Variants in CLPP observed in about 807,000 individuals in gnomAD.
CLPP encodes ATP-dependent Clp protease proteolytic subunit, mitochondrial.
CLPP carries 14 observed loss-of-function variants against 27.4 expected under a neutral mutation model. The observed-to-expected ratio is 0.51, with a 90% confidence interval of 0.34 to 0.80. CLPP has a LOEUF of 0.80. Among genes scored for constraint, CLPP ranks in the 30% least tolerant of loss-of-function variants. The probability of loss-of-function intolerance (pLI) is 0.02; values close to 1 mark genes in which losing one functional copy is unlikely to be tolerated. For synonymous variants in CLPP, 193 were observed against 166.6 expected (o/e 1.16, Z -1.22); for missense variants, 361 against 403.6 (o/e 0.89, Z 0.90).
intron 2 of CLPP, chr19:6,362,167 A>T: frequency 1.7e-6 from 1 of 592,118 alleles, no homozygotes; most frequent in Non-Finnish European, 3.0e-6. Flanking sequence ...GACACCTGGC[A>T]CCGCTCCCCT....
rs1358290218 is a variant in CLPP at position 6,369,629 on chromosome 19, A to T, written c.*919A>T. ...GACTGTACCTGGCATGTGAGGACCT[A>T]TGAGGAGGCCCGTGGCTGAGGGAAG... On this transcript the variant is annotated 3_prime_UTR_variant, in exon 6 of 6. Coordinates refer to ENST00000245816, the MANE Select transcript of CLPP (RefSeq NM_006012.4). Among the ~76,000 whole-genome samples, 1 of 152,074 alleles carries T rather than the reference A, an allele frequency of 6.6e-6. No individual in the cohort carries two copies. The highest frequency in any genetic ancestry group is 1.5e-5 in the Non-Finnish European group (1 of 68,006).
Position 6,366,278 on chromosome 19 carries a change from C to T in CLPP, c.576C>T (p.Ala192=). The T allele has an allele frequency of 3.1e-6, 5 of 1,612,108 alleles. No individual in the cohort carries two copies. The South Asian group carries it at 5.5e-5, about 18-fold the overall frequency. ...GGARGQATDI[A]IQAEEIMKLK... Reference sequence around the variant, plus strand: ...CTCAGGGCCAAGCCACAGACATTGCCATCCAGGCAGAGGAGATCATGAAGC... The same window carrying T: ...CTCAGGGCCAAGCCACAGACATTGCTATCCAGGCAGAGGAGATCATGAAGC... The change falls in exon 5 of 6, where the codon GCC becomes GCT. Residue 192 remains alanine, a synonymous_variant. Transcript: ENST00000245816.
chr19:6,367,519 G>C (rs1568323253), intron 5 of CLPP, among the ~76,000 whole-genome samples: 1 of 151,970 alleles, frequency 6.6e-6, no homozygotes, highest in Non-Finnish European at 1.5e-5. Flanking sequence ...GCTGTTAGAG[G>C]AGTGGTTGCT....
intron 3 of CLPP, among the ~76,000 whole-genome samples, 156 bp downstream of exon 3, chr19:6,362,698 T>C (rs2091842050): frequency 6.6e-6 from 1 of 152,184 alleles, no homozygotes; most frequent in Non-Finnish European, 1.5e-5. Context: ...AGGTGCCTGT[T>C]GCTGGCTTTT....
rs1477762499 is a variant in CLPP, at chr19:6,362,492, T to A, written c.317T>A (p.Leu106Gln). The change falls in exon 3 of 6, where the codon CTG (leucine) becomes CAG (glutamine). Residue 106 changes from leucine (L) to glutamine (Q), a missense_variant. This residue lies in a region of CLPP where 213 missense variants were observed against 280.9 expected (regional missense o/e 0.76). Coordinates refer to ENST00000245816, the MANE Select transcript of CLPP (RefSeq NM_006012.4). ...CTTGTTATCGCACAGCTCCTCTTCC[T>A]GCAATCCGAGAGCAACAAGAAGCCC... ...ASLVIAQLLF[L>Q]QSESNKKPIH... 6.2e-7 allele frequency: 1 copy of A among 1,613,804 alleles called. No homozygotes were observed. Among genetic ancestry groups the A allele is most frequent in the Non-Finnish European group, 8.5e-7 (1 of 1,179,902 alleles).
intron 3 of CLPP, among the ~76,000 whole-genome samples, chr19:6,363,757 G>A (rs908903403): frequency 2.6e-5 from 4 of 151,696 alleles, no homozygotes; most frequent in African/African-American, 9.7e-5. Flanking sequence ...AATTAGCCGG[G>A]CATGGTGGTG....
chr19:6,368,781 C>T lies in CLPP; in HGVS notation c.*71C>T, dbSNP rs964011424. 10 of 1,428,008 alleles carry T rather than the reference C, an allele frequency of 7.0e-6. No individual in the cohort carries two copies. In the East Asian group the frequency reaches 1.5e-4, roughly 21 times the overall value. The allele number at this position is 1,428,008 out of a possible 1,614,324, so 88.5% of individuals were successfully genotyped here. On this transcript the variant is annotated 3_prime_UTR_variant, in exon 6 of 6. Transcript: ENST00000245816. ...GCCAGACCCCCAGCTGGGCCCTGCT[C>T]ACCCCTTGTTGCTGGGCTTGGAGGG...
chr19:6,369,767 C>T lies in CLPP; in HGVS notation c.*1057C>T, dbSNP rs2091879443. ...CCAAGATCACGCCACTGCACTCCAG[C>T]CTGGGCAACAAAGCGAGATTCTGTC... On this transcript the variant is annotated 3_prime_UTR_variant, in exon 6 of 6. Transcript: ENST00000245816. Among the ~76,000 whole-genome samples the T allele has an allele frequency of 6.6e-6, 1 of 152,018 alleles. No homozygotes were observed. The highest frequency in any genetic ancestry group is 2.1e-4 in the South Asian group (1 of 4,814).
rs1403684544 is a variant in CLPP, at chr19:6,369,926, A to G, written c.*1216A>G. On this transcript the variant is annotated 3_prime_UTR_variant, in exon 6 of 6. Transcript: ENST00000245816. ...GATGACTATGACTCCTGAGGAGTGC[A>G]CCATGAGCAGAAACTGGAGAGCAGT... is the stretch of plus-strand genomic sequence containing the variant. 1.3e-5 allele frequency among the ~76,000 whole-genome samples: 2 copies of G among 152,252 alleles called. No individual in the cohort carries two copies. Among genetic ancestry groups the G allele is most frequent in the East Asian group, 3.8e-4 (2 of 5,204 alleles).
chr19:6,368,475 C>G, intron 5 of CLPP, 63 bp from the exon 6 acceptor site: 2 of 1,568,050 alleles, frequency 1.3e-6, no homozygotes, highest in South Asian at 1.1e-5. Context: ...AAAACAGGAC[C>G]CAGACCTGGC....
Position 6,366,266 on chromosome 19 carries a change from C to G in CLPP, c.564C>G (p.Ala188=), listed in dbSNP as rs1357750204. ...HQPSGGARGQ[A]TDIAIQAEEI... is the part of the protein sequence containing the mutation. ...CCTTGGACGTCCCTCAGGGCCAAGC[C>G]ACAGACATTGCCATCCAGGCAGAGG... is the stretch of plus-strand genomic sequence containing the variant. The change falls in exon 5 of 6, where the codon GCC becomes GCG. Residue 188 remains alanine (A), a synonymous_variant. Coordinates refer to ENST00000245816, the MANE Select transcript of CLPP (RefSeq NM_006012.4). 6.2e-7 allele frequency: 1 copy of G among 1,611,028 alleles called. No homozygotes were observed. Among genetic ancestry groups the G allele is most frequent in the South Asian group, 1.1e-5 (1 of 90,476 alleles).
At chr19:6,367,998 T>G (rs1386035493) in intron 5 of CLPP, among the ~76,000 whole-genome samples, 2 of 152,176 alleles carry the variant, frequency 1.3e-5, no homozygotes, top group Non-Finnish European at 2.9e-5. Context: ...CCCAAAGTGC[T>G]GGGATTACAA....
At chr19:6,362,239 C>T (rs535519848) in intron 2 of CLPP, 1 of 603,728 alleles carries the variant, frequency 1.7e-6, no homozygotes, top group Non-Finnish European at 2.9e-6. Context: ...TGTCCCTAGC[C>T]CCCTGACTCC....
At position 6,366,323 on chromosome 19, in the gene CLPP, C is replaced by T; in HGVS notation, c.621C>T (p.Asn207=). 7 of 1,612,698 alleles carry T rather than the reference C, an allele frequency of 4.3e-6. No homozygotes were observed. The highest frequency in any genetic ancestry group is 5.9e-6 in the Non-Finnish European group (7 of 1,179,348). ...EIMKLKKQLY[N]IYAKHTKQSL... ...TGAAGCTCAAGAAGCAGCTCTATAA[C>T]ATCTACGCCAAGCACACCAAACAGA... Residue 207 remains asparagine (N), a synonymous_variant, in exon 5 of 6, where the codon AAC becomes AAT. Transcript: ENST00000245816.
chr19:6,361,620 A>G lies in CLPP; in HGVS notation c.46A>G (p.Arg16Gly). 1.4e-6 allele frequency: 2 copies of G among 1,425,494 alleles called. No homozygotes were observed. Among genetic ancestry groups the G allele is most frequent in the Non-Finnish European group, 1.8e-6 (2 of 1,089,486 alleles). 88.3% of individuals were successfully genotyped at this position (1,425,494 alleles called of 1,614,324 possible). ...LVGGARVASC[R>G]YPALGPRLAA... is the part of the protein sequence containing the mutation. ...AGGGGGGGCCCGGGTGGCGTCATGC[A>G]GGTACCCCGCGCTGGGGCCTCGCCT... Residue 16 changes from arginine (R) to glycine (G), a missense_variant, in exon 1 of 6, where the codon AGG (arginine) becomes GGG (glycine). Around this residue, in one of 2 missense-constraint regions of CLPP, gnomAD observed 148 missense variants for 122.6 expected, o/e 1.21. Coordinates refer to ENST00000245816, the MANE Select transcript of CLPP (RefSeq NM_006012.4).
chr19:6,364,030 ATTTTTTTT>A (rs552499372), intron 3 of CLPP, among the ~76,000 whole-genome samples: 1 of 135,104 alleles, frequency 7.4e-6, no homozygotes, highest in Admixed American at 7.4e-5. Context: ...CCCAGTCTTA[ATTTTTTTT>A]TTTTTTTTTT....
chr19:6,365,018 T>G, intron 4 of CLPP: 1 of 186,106 alleles, frequency 5.4e-6, no homozygotes, highest in Non-Finnish European at 1.1e-5. Flanking sequence ...GCCACCGCGC[T>G]GGGCCAGCCG....
At chr19:6,362,051 C>T (rs1370505364) in intron 2 of CLPP, 111 bp downstream of exon 2, 2 of 1,034,336 alleles carry the variant, frequency 1.9e-6, no homozygotes, top group Admixed American at 2.2e-5. Context: ...CGCTCCCCTT[C>T]TAACCCCCTT....
intron 4 of CLPP, 30 bp downstream of exon 4, chr19:6,364,669 G>C: frequency 6.3e-6 from 10 of 1,594,580 alleles, no homozygotes; most frequent in Non-Finnish European, 8.5e-6. Flanking sequence ...GCTGCTGTTG[G>C]GAATCAGGAC....
Sources: allele counts gnomAD v4.1 joint callset (sites outside exome capture counted in the v4.1 genomes callset), GRCh38; gene constraint gnomAD v4.1.1; regional missense constraint gnomAD v4.1.1; transcripts MANE v1.5; gene names NCBI Gene and HGNC (gene_info 2026-07-23, HGNC 2026-07-21).